The following FRMPD1 variants were observed in gnomAD, a reference collection of about 807,000 sequenced individuals.
The protein encoded by FRMPD1 is FERM and PDZ domain containing 1.
In FRMPD1, 76 loss-of-function variants were observed where a neutral mutation model predicts 117.8. The ratio of observed to expected loss-of-function variants is 0.65; its 90% CI spans 0.54 to 0.78. FRMPD1 has a LOEUF of 0.78. FRMPD1 is among the 30% of genes least tolerant of loss of function. The probability of loss-of-function intolerance (pLI) is 0.00; values close to 1 mark genes in which losing one functional copy is unlikely to be tolerated. For missense variants in FRMPD1, 1,786 were observed against 1,964.5 expected (o/e 0.91, Z 1.72); for synonymous variants, 783 against 770.4 (o/e 1.02, Z -0.27).
At chr9:37,637,564 A>C in the FRMPD1 span, among the ~76,000 whole-genome samples, 1 of 152,148 alleles carries the variant, frequency 6.6e-6, no homozygotes, top group Non-Finnish European at 1.5e-5. Flanking sequence ...GCAAGCAAGC[A>C]CTAATCTGTT....
At chr9:37,724,850 G>A (rs901104330) in intron 7 of FRMPD1, among the ~76,000 whole-genome samples, 22 of 152,184 alleles carry the variant, frequency 1.4e-4, no homozygotes, top group Non-Finnish European at 3.2e-4. Context: ...GACGGTGGAC[G>A]TTCAGGGAAT....
the FRMPD1 span, among the ~76,000 whole-genome samples, chr9:37,616,756 C>T: frequency 2.0e-5 from 3 of 152,202 alleles, no homozygotes; most frequent in South Asian, 2.1e-4. Context: ...CTAGTCTCTC[C>T]GTATCTCTAG....
chr9:37,729,061 C>T (rs562113100), intron 7 of FRMPD1, among the ~76,000 whole-genome samples: 5 of 151,392 alleles, frequency 3.3e-5, no homozygotes, highest in African/African-American at 7.3e-5. Context: ...GCCTGGCCAA[C>T]GTGGCAAAAC....
chr9:37,745,080 C>T lies in FRMPD1; in HGVS notation c.3048C>T (p.Ser1016=). The change falls in exon 16 of 16, where the codon TCC becomes TCT. Residue 1016 remains serine (S), a synonymous_variant. Transcript: ENST00000377765. ...IEHGDSSFSL[S]SGDPNPDRAC... is the part of the protein sequence containing the mutation. ...ATGGAGACAGCTCCTTCTCCCTCTC[C>T]AGTGGTGACCCTAACCCAGACAGAG... is the stretch of plus-strand genomic sequence containing the variant. 6.2e-7 allele frequency: 1 copy of T among 1,614,154 alleles called. No individual in the cohort carries two copies.
chr9:37,638,231 G>A, the FRMPD1 span, among the ~76,000 whole-genome samples: 3,019 of 151,670 alleles, frequency 0.02, 94 homozygotes, highest in African/African-American at 0.069. Flanking sequence ...GGGCCACCAC[G>A]CCTGGATAAT....
chr9:37,627,672 C>G, the FRMPD1 span, among the ~76,000 whole-genome samples: 1 of 152,300 alleles, frequency 6.6e-6, no homozygotes, highest in East Asian at 1.9e-4. Flanking sequence ...CAAGGTCTCA[C>G]TTTGTTGCCC....
chr9:37,617,036 A>G, the FRMPD1 span, among the ~76,000 whole-genome samples: 1 of 152,240 alleles, frequency 6.6e-6, no homozygotes, highest in Non-Finnish European at 1.5e-5. Context: ...AGACCATGAT[A>G]AGAGTCATTA....
chr9:37,612,019 C>A, the FRMPD1 span, among the ~76,000 whole-genome samples: 1 of 152,166 alleles, frequency 6.6e-6, no homozygotes, highest in Non-Finnish European at 1.5e-5. Flanking sequence ...TGGTTCTTTC[C>A]TCCACTCAGG....
chr9:37,733,383 CTAAG>C, intron 10 of FRMPD1, 86 bp from the exon 11 acceptor site: 1 of 1,269,504 alleles, frequency 7.9e-7, no homozygotes, highest in South Asian at 1.4e-5. Context: ...TATGGGAACA[CTAAG>C]TACTGAATCA....
At chr9:37,673,811 C>T (rs1047496609) in intron 1 of FRMPD1, among the ~76,000 whole-genome samples, 3 of 152,256 alleles carry the variant, frequency 2.0e-5, no homozygotes, top group Admixed American at 2.0e-4. Context: ...TGTACATTGG[C>T]CCCTTTCAGC....
chr9:37,637,851 TAGTG>T, the FRMPD1 span, among the ~76,000 whole-genome samples: 1 of 152,122 alleles, frequency 6.6e-6, no homozygotes, highest in Non-Finnish European at 1.5e-5. Flanking sequence ...GTTGCGCGGA[TAGTG>T]AGTGAAAAAA....
the FRMPD1 span, among the ~76,000 whole-genome samples, chr9:37,625,961 G>T: frequency 1.3e-5 from 2 of 152,234 alleles, no homozygotes; most frequent in East Asian, 3.8e-4. Flanking sequence ...GGCGGCTCAC[G>T]CCTGTAGTCC....
chr9:37,619,397 A>T, the FRMPD1 span, among the ~76,000 whole-genome samples: 1 of 152,188 alleles, frequency 6.6e-6, no homozygotes, highest in Non-Finnish European at 1.5e-5. Flanking sequence ...GGAGAAGGGT[A>T]AAGAGGGTAG....
chr9:37,629,106 G>A, the FRMPD1 span, among the ~76,000 whole-genome samples: 1 of 152,208 alleles, frequency 6.6e-6, no homozygotes, highest in Non-Finnish European at 1.5e-5. Flanking sequence ...GGCTGAGGCA[G>A]GAGAATCGCT....
chr9:37,723,002 C>G (rs1206076407), intron 6 of FRMPD1, among the ~76,000 whole-genome samples: 1 of 152,188 alleles, frequency 6.6e-6, no homozygotes, highest in Non-Finnish European at 1.5e-5. Context: ...AGTCCTGTGC[C>G]TTTTCCCCAA....
chr9:37,655,534 T>A (rs1820815959), intron 1 of FRMPD1, among the ~76,000 whole-genome samples: 1 of 145,040 alleles, frequency 6.9e-6, no homozygotes. Context: ...GATGGAGTCT[T>A]GCTCTGTTGC....
chr9:37,746,073 G>T lies in FRMPD1; in HGVS notation c.4041G>T (p.Pro1347=), dbSNP rs145365903. ...QFSYATCFRG[P]QPETEEEDRD... ...CCTATGCCACATGCTTCCGTGGCCC[G>T]CAGCCTGAGACAGAGGAAGAAGACA... is the stretch of plus-strand genomic sequence containing the variant. The change falls in exon 16 of 16, where the codon CCG becomes CCT. Residue 1347 remains proline, a synonymous_variant. Transcript: ENST00000377765. 1.9e-6 allele frequency: 3 copies of T among 1,614,094 alleles called. No individual in the cohort carries two copies. Among genetic ancestry groups the T allele is most frequent in the Admixed American group, 1.7e-5 (1 of 60,012 alleles).
chr9:37,691,880 C>T (rs1234717589), intron 1 of FRMPD1, among the ~76,000 whole-genome samples: 2 of 152,078 alleles, frequency 1.3e-5, no homozygotes, highest in Non-Finnish European at 2.9e-5. Flanking sequence ...GCACTCCAGC[C>T]TGGGTGACAG....
intron 2 of FRMPD1, among the ~76,000 whole-genome samples, chr9:37,698,299 C>T (rs1031880337): frequency 3.3e-5 from 5 of 152,060 alleles, no homozygotes; most frequent in Non-Finnish European, 5.9e-5. Context: ...TAGGAGATGA[C>T]GATCTAACTG....
Sources: allele counts gnomAD v4.1 joint callset (sites outside exome capture counted in the v4.1 genomes callset), GRCh38; gene constraint gnomAD v4.1.1; transcripts MANE v1.5; gene names NCBI Gene and HGNC (gene_info 2026-07-23, HGNC 2026-07-21).